Variants in METTL15 observed in about 807,000 individuals in gnomAD.
METTL15 encodes the protein methyltransferase 15, mitochondrial 12S rRNA N4-cytidine, also known as 12S rRNA N(4)-cytidine methyltransferase METTL15.
Under a neutral mutation model 38.3 loss-of-function variants are expected in METTL15, and 34 were observed. The observed-to-expected ratio is 0.89, with a 90% CI of 0.68 to 1.18. METTL15 has a LOEUF of 1.18. Ranked by LOEUF, METTL15 falls within the 50% of genes most tolerant of loss-of-function variation. The pLI is 0.00. For synonymous variants in METTL15, 162 were observed against 170.9 expected, an observed-to-expected ratio of 0.95 and a Z score of 0.41; for missense variants, 438 against 498.4, an observed-to-expected ratio of 0.88 and a Z score of 1.15.
At chr11:28,312,361 G>C (rs912573651) in intron 6 of METTL15, among the ~76,000 whole-genome samples, 1 of 152,148 alleles carries the variant, frequency 6.6e-6, no homozygotes, top group East Asian at 1.9e-4. Context: ...AAAAAATGTT[G>C]ACAGTTATGC....
At chr11:28,151,006 CA>C (rs34906623) in intron 3 of METTL15, among the ~76,000 whole-genome samples, 79 of 84,508 alleles carry the variant, frequency 9.3e-4, no homozygotes, top group South Asian at 4.6e-3. Flanking sequence ...CAACAGTGAC[CA>C]AAAAAAAAAA....
intron 4 of METTL15, among the ~76,000 whole-genome samples, chr11:28,264,416 C>T (rs1855329394): frequency 6.6e-6 from 1 of 151,846 alleles, no homozygotes; most frequent in Non-Finnish European, 1.5e-5. Context: ...GTAATAATTA[C>T]TCAAAAATCA....
intron 3 of METTL15, among the ~76,000 whole-genome samples, chr11:28,115,947 C>A (rs577691660): frequency 1.3e-5 from 2 of 151,278 alleles, no homozygotes; most frequent in South Asian, 4.2e-4. Context: ...CACACACACA[C>A]ACACACACAC....
chr11:28,160,531 T>A (rs1212526907), intron 3 of METTL15, among the ~76,000 whole-genome samples: 1 of 152,130 alleles, frequency 6.6e-6, no homozygotes, highest in Non-Finnish European at 1.5e-5. Flanking sequence ...AAATACAAGT[T>A]CATGGTTAAA....
chr11:28,285,972 A>G (rs919635594), intron 4 of METTL15, among the ~76,000 whole-genome samples: 9 of 152,170 alleles, frequency 5.9e-5, no homozygotes, highest in African/African-American at 1.9e-4. Flanking sequence ...CTAATCAAAA[A>G]TCTACCTCTT....
chr11:28,162,770 A>G (rs1035292609), intron 3 of METTL15, among the ~76,000 whole-genome samples: 1 of 152,162 alleles, frequency 6.6e-6, no homozygotes, highest in African/African-American at 2.4e-5. Context: ...TTGTAATAAT[A>G]TAATAAGTAC....
chr11:28,372,468 T>C (rs529187507), intron 5 of METTL15, among the ~76,000 whole-genome samples: 2,490 of 102,138 alleles, frequency 0.024, 45 homozygotes, highest in African/African-American at 0.069. Flanking sequence ...TTTTTTTTTT[T>C]CTCCATGCCA....
intron 3 of METTL15, among the ~76,000 whole-genome samples, chr11:28,119,639 G>T (rs1852125842): frequency 6.6e-6 from 1 of 152,098 alleles, no homozygotes; most frequent in Non-Finnish European, 1.5e-5. Flanking sequence ...ATAATGTTTA[G>T]TATTACTTTT....
chr11:28,270,738 G>C (rs990874946), intron 4 of METTL15, among the ~76,000 whole-genome samples: 1 of 152,126 alleles, frequency 6.6e-6, no homozygotes, highest in Non-Finnish European at 1.5e-5. Context: ...TAACTCAAAT[G>C]GTAGCTATCA....
Position 28,330,402 on chromosome 11 carries a change from T to A in METTL15, c.785T>A (p.Phe262Tyr), listed in dbSNP as rs1369805636. 3 of 1,538,616 alleles carry A rather than the reference T, an allele frequency of 1.9e-6. No homozygotes were observed. In the African/African-American group the frequency reaches 4.2e-5, roughly 21 times the overall value. The change falls in exon 7 of 7, where the codon TTT becomes TAT. Residue 262 changes from phenylalanine to tyrosine, a missense_variant. Transcript: ENST00000407364. ...QQLASIVAGA[F>Y]PPSAIYTRKD... The stretch of plus-strand genomic sequence containing the variant: ...TTTACAACATTTGTTTTAGGAGCAT[T>A]TCCTCCCTCTGCTATTTATACACGG...
intron 6 of METTL15, among the ~76,000 whole-genome samples, chr11:28,320,226 T>C (rs1362464969): frequency 6.9e-6 from 1 of 144,434 alleles, no homozygotes; most frequent in African/African-American, 2.6e-5. Context: ...AAGGGGGTGG[T>C]TTAAAATCAC....
intron 6 of METTL15, among the ~76,000 whole-genome samples, chr11:28,426,000 A>C (rs1850860924): frequency 6.6e-6 from 1 of 152,116 alleles, no homozygotes; most frequent in African/African-American, 2.4e-5. Context: ...GGTTTGTTAC[A>C]TAGGTAATGT....
intron 3 of METTL15, among the ~76,000 whole-genome samples, chr11:28,208,300 G>T (rs1676120631): frequency 1.3e-5 from 2 of 152,050 alleles, no homozygotes; most frequent in Non-Finnish European, 1.5e-5. Flanking sequence ...AGAGATTCTG[G>T]TATGTTGTGT....
At chr11:28,122,028 A>G (rs1055398220) in intron 3 of METTL15, 2 of 548,714 alleles carry the variant, frequency 3.6e-6, no homozygotes, top group Middle Eastern at 8.6e-4. Context: ...TGATCATTTA[A>G]TAAATTGTAT....
chr11:28,334,021 T>C (rs1849877458), downstream of METTL15, among the ~76,000 whole-genome samples: 1 of 151,900 alleles, frequency 6.6e-6, no homozygotes, highest in Non-Finnish European at 1.5e-5. Flanking sequence ...AATTTTACTT[T>C]CATTTGAAAT....
intron 4 of METTL15, among the ~76,000 whole-genome samples, chr11:28,227,588 A>G (rs1027337670): frequency 6.6e-6 from 1 of 151,912 alleles, no homozygotes; most frequent in Admixed American, 6.6e-5. Flanking sequence ...ATGTGAATGG[A>G]TGATAGAAAG....
chr11:28,395,961 T>C (rs1049429703), intron 5 of METTL15, among the ~76,000 whole-genome samples: 7 of 152,074 alleles, frequency 4.6e-5, no homozygotes, highest in Non-Finnish European at 1.0e-4. Context: ...TCAATAAACA[T>C]AATCCAGCAC....
intron 3 of METTL15, among the ~76,000 whole-genome samples, chr11:28,205,603 G>A (rs1160289897): frequency 3.3e-5 from 5 of 151,938 alleles, no homozygotes; most frequent in South Asian, 2.1e-4. Flanking sequence ...ATGATTTATC[G>A]TCCTTTGGGT....
chr11:28,292,730 G>A (rs577676299), intron 5 of METTL15, among the ~76,000 whole-genome samples: 40 of 152,200 alleles, frequency 2.6e-4, no homozygotes, highest in African/African-American at 9.4e-4. Flanking sequence ...GTTGTTTCCT[G>A]ACTTTTTAAT....
Sources: allele counts gnomAD v4.1 joint callset (sites outside exome capture counted in the v4.1 genomes callset), GRCh38; gene constraint gnomAD v4.1.1; transcripts MANE v1.5; gene names NCBI Gene and HGNC (gene_info 2026-07-23, HGNC 2026-07-21).